DSCAML1: variants seen among roughly 807,000 people sequenced by gnomAD.
The protein encoded by DSCAML1 is cell adhesion molecule DSCAML1.
Under a neutral mutation model 200.5 loss-of-function variants are expected in DSCAML1, and 38 were observed. The observed-to-expected ratio is 0.19, with a 90% confidence interval of 0.15 to 0.25. The LOEUF is 0.25. Among genes scored for constraint, DSCAML1 ranks in the 10% least tolerant of loss-of-function variants. The probability of loss-of-function intolerance (pLI) is 1.00; values close to 1 mark genes in which losing one functional copy is unlikely to be tolerated. For synonymous variants in DSCAML1, 1,215 were observed against 1,165.0 expected, an observed-to-expected ratio of 1.04 and a Z score of -0.87; for missense variants, 2,223 against 2,858.8, an observed-to-expected ratio of 0.78 and a Z score of 5.07.
At chr11:117,531,934 AGGG>A (rs2050085651) in intron 4 of DSCAML1, among the ~76,000 whole-genome samples, 1 of 56,558 alleles carries the variant, frequency 1.8e-5, no homozygotes, top group South Asian at 1.1e-3. Flanking sequence ...GGAAGGGAGG[AGGG>A]AGGAGGGAGG....
chr11:117,514,572 C>CTTTTTTT lies in DSCAML1; in HGVS notation c.1783+1888_1783+1894dup, dbSNP rs532136039. On this transcript the variant is annotated intron_variant, in intron 8 of 32. Transcript: ENST00000651296. ...TTTACTTAACTTTTCTTTTCTTTTTCTTTTTTTTTTTTTTTTTTTTTTTTT... is the reference window on the plus strand; with the variant it reads ...TTTACTTAACTTTTCTTTTCTTTTTCTTTTTTTTTTTTTTTTTTTTTTTTTTTTTTTT... Among the ~76,000 whole-genome samples, 246 of 98,284 alleles carry CTTTTTTT rather than the reference C, an allele frequency of 2.5e-3. 5 individuals are homozygous for CTTTTTTT. Among genetic ancestry groups the CTTTTTTT allele is most frequent in the East Asian group, 7.9e-3 (20 of 2,522 alleles). The allele number at this position is 98,284 out of a possible 152,430, so 64.5% of individuals were successfully genotyped here.
chr11:117,444,621 G>A (rs1363838515), intron 20 of DSCAML1, among the ~76,000 whole-genome samples: 2 of 152,084 alleles, frequency 1.3e-5, no homozygotes, highest in African/African-American at 2.4e-5. Context: ...ATTATTAGTG[G>A]TATAGATCAC....
At chr11:117,512,530 GCTT>G (rs2049647442) in intron 8 of DSCAML1, among the ~76,000 whole-genome samples, 1 of 152,142 alleles carries the variant, frequency 6.6e-6, no homozygotes, top group Non-Finnish European at 1.5e-5. Context: ...CACCCATGCT[GCTT>G]CTTGGTCCAG....
intron 3 of DSCAML1, among the ~76,000 whole-genome samples, chr11:117,743,558 C>T (rs2054461792): frequency 6.6e-6 from 1 of 152,150 alleles, no homozygotes; most frequent in Non-Finnish European, 1.5e-5. Context: ...CTTGGGGCCA[C>T]CTCAGCTCCC....
chr11:117,712,044 A>C (rs1408131957), intron 3 of DSCAML1, among the ~76,000 whole-genome samples: 5 of 152,196 alleles, frequency 3.3e-5, no homozygotes, highest in Non-Finnish European at 5.9e-5. Context: ...ATGCTTTTAG[A>C]GGTTTAAAAT....
At chr11:117,582,802 T>G (rs1431145579) in intron 3 of DSCAML1, among the ~76,000 whole-genome samples, 2 of 152,162 alleles carry the variant, frequency 1.3e-5, no homozygotes, top group Non-Finnish European at 2.9e-5. Context: ...ACCCCTCAGT[T>G]CTCAGGCTGT....
intron 3 of DSCAML1, among the ~76,000 whole-genome samples, chr11:117,629,979 C>G (rs1296990974): frequency 1.3e-5 from 2 of 152,304 alleles, no homozygotes; most frequent in East Asian, 1.9e-4. Flanking sequence ...CCACTGCACT[C>G]TAGCCTGGGT....
chr11:117,729,609 A>C (rs1379769147), intron 3 of DSCAML1, among the ~76,000 whole-genome samples: 7 of 152,248 alleles, frequency 4.6e-5, no homozygotes, highest in African/African-American at 1.7e-4. Context: ...AATGAAAATT[A>C]TGTCTTTATA....
In DSCAML1 at chr11:117,726,251, CTGTGTG is replaced by C. The variant is rs374321961; in HGVS notation, c.511+50534_511+50539del. Among the ~76,000 whole-genome samples the C allele has an allele frequency of 5.1e-3, 763 of 149,274 alleles. 6 individuals carry two copies. Among genetic ancestry groups the C allele is most frequent in the African/African-American group, 0.018 (723 of 39,520 alleles). On this transcript the variant is annotated intron_variant, in intron 3 of 32. Transcript: ENST00000651296. ...ATTGAATGAGGTTGTGTGTGTATCT[CTGTGTG>C]TGTGTGTGCGTGTGTGTGTGTGTGT...
intron 14 of DSCAML1, among the ~76,000 whole-genome samples, chr11:117,473,400 G>T (rs1463466406): frequency 6.6e-6 from 1 of 152,190 alleles, no homozygotes; most frequent in African/African-American, 2.4e-5. Flanking sequence ...GGGAGGCTGA[G>T]ACAGGAGAAT....
At chr11:117,743,026 T>TCCATCCATCCAC (rs1395272497) in intron 3 of DSCAML1, among the ~76,000 whole-genome samples, 19 of 151,878 alleles carry the variant, frequency 1.3e-4, no homozygotes, top group South Asian at 6.2e-4. Flanking sequence ...CATCCATCCA[T>TCCATCCATCCAC]CCACCCATCC....
intron 22 of DSCAML1, 140 bp downstream of exon 22, chr11:117,439,679 G>T: frequency 3.4e-6 from 3 of 871,136 alleles, no homozygotes; most frequent in Non-Finnish European, 3.6e-6. Flanking sequence ...GAGAGCAGTA[G>T]CAGCACACCC....
At chr11:117,725,232 C>T (rs1208685875) in intron 3 of DSCAML1, among the ~76,000 whole-genome samples, 1 of 152,202 alleles carries the variant, frequency 6.6e-6, no homozygotes, top group Non-Finnish European at 1.5e-5. Flanking sequence ...GCCCTCCACA[C>T]CACTGTCTTC....
intron 3 of DSCAML1, among the ~76,000 whole-genome samples, chr11:117,759,754 C>A (rs967323035): frequency 1.3e-5 from 2 of 152,170 alleles, no homozygotes; most frequent in African/African-American, 4.8e-5. Context: ...GAAGGCCTCG[C>A]AGCCCCATAA....
chr11:117,440,023 G>A (rs1211810816), intron 21 of DSCAML1, 87 bp from the exon 22 acceptor site: 2 of 1,167,532 alleles, frequency 1.7e-6, no homozygotes, highest in Admixed American at 1.8e-5. Context: ...TGGATTTACA[G>A]TTCAAATCCT....
intron 19 of DSCAML1, among the ~76,000 whole-genome samples, chr11:117,455,182 G>A (rs7103239): frequency 0.26 from 39,102 of 152,126 alleles, 5,099 homozygotes; most frequent in Middle Eastern, 0.29. Flanking sequence ...CGCAAGAAGA[G>A]TGAGTTTCAG....
chr11:117,608,033 C>T (rs1012919381), intron 3 of DSCAML1, among the ~76,000 whole-genome samples: 4 of 152,310 alleles, frequency 2.6e-5, no homozygotes, highest in South Asian at 2.1e-4. Flanking sequence ...GGCTAAAAGA[C>T]GTTTCATCTA....
chr11:117,808,362 A>G (rs2055726540), intron 1 of DSCAML1, among the ~76,000 whole-genome samples: 1 of 152,176 alleles, frequency 6.6e-6, no homozygotes, highest in African/African-American at 2.4e-5. Context: ...TCCTGAGACC[A>G]TGGCTGGGCT....
chr11:117,792,367 C>T (rs1473384524), intron 1 of DSCAML1, among the ~76,000 whole-genome samples: 2 of 152,158 alleles, frequency 1.3e-5, no homozygotes, highest in Non-Finnish European at 2.9e-5. Context: ...ACTGCAGCAT[C>T]CCAGCTGGCT....
Sources: gnomAD v4.1 joint callset for allele counts (sites outside exome capture counted in the v4.1 genomes callset) on GRCh38, gnomAD v4.1.1 for gene constraint, MANE v1.5 for transcripts, NCBI Gene and HGNC (gene_info 2026-07-23, HGNC 2026-07-21) for gene names.